Variants in CPN1 observed in about 807,000 individuals in gnomAD.
The protein encoded by CPN1 is carboxypeptidase N subunit 1, also known as carboxypeptidase N catalytic chain.
CPN1 carries 37 observed loss-of-function variants against 46.4 expected under a neutral mutation model. The observed-to-expected ratio is 0.80, with a 90% CI of 0.61 to 1.05. The LOEUF is 1.05. Among genes scored for constraint, CPN1 ranks in the 50% least tolerant of loss-of-function variants. CPN1 has a pLI of 0.00. For synonymous variants in CPN1, 224 were observed against 235.4 expected (o/e 0.95, Z 0.44); for missense variants, 563 against 602.6 (o/e 0.93, Z 0.69).
At chr10:100,072,227 G>A (rs905392918) in intron 2 of CPN1, among the ~76,000 whole-genome samples, 2 of 152,140 alleles carry the variant, frequency 1.3e-5, no homozygotes, top group African/African-American at 4.8e-5. Flanking sequence ...CTAGGCTGGA[G>A]TATAACAGCA....
chr10:100,072,462 GGCCT>G (rs1489840345), intron 2 of CPN1, among the ~76,000 whole-genome samples: 11 of 152,052 alleles, frequency 7.2e-5, no homozygotes, highest in Non-Finnish European at 1.5e-4. Context: ...GAGCCACTAC[GGCCT>G]TATGTTTAAC....
rs115783953 is a variant in CPN1, at chr10:100,044,651, C to T, written c.1231-2078G>A. On this transcript the variant is annotated intron_variant, in intron 8 of 8. Coordinates refer to ENST00000370418, the MANE Select transcript of CPN1 (RefSeq NM_001308.3). ...TCAGCCTTCCAAAGTGCTGAGATTA[C>T]AGGTATGAGTCACCGCACCCAGCTG... Among the ~76,000 whole-genome samples, 705 of 151,972 alleles carry T rather than the reference C, an allele frequency of 4.6e-3. 4 individuals carry two copies. The highest frequency in any genetic ancestry group is 0.016 in the African/African-American group (671 of 41,460).
chr10:100,065,979 A>G (rs1239245091), intron 3 of CPN1, among the ~76,000 whole-genome samples: 1 of 151,750 alleles, frequency 6.6e-6, no homozygotes. Flanking sequence ...TTTTTGAGAC[A>G]GGATCTTACT....
At chr10:100,056,974 T>C (rs776451009) in intron 6 of CPN1, 39 bp downstream of exon 6, 2 of 1,613,934 alleles carry the variant, frequency 1.2e-6, no homozygotes, top group East Asian at 4.5e-5. Flanking sequence ...GAAGCACTTC[T>C]CTTTTTGCAA....
At position 100,050,832 on chromosome 10, in the gene CPN1, A is replaced by G. The variant is rs992816797; in HGVS notation, c.1112-1956T>C. Among the ~76,000 whole-genome samples, 3 of 152,182 alleles carry G rather than the reference A, an allele frequency of 2.0e-5. No individual in the cohort carries two copies. The East Asian group carries it at 5.8e-4, about 29-fold the overall frequency. On this transcript the variant is annotated intron_variant, in intron 7 of 8. Transcript: ENST00000370418. Reference sequence around the variant, plus strand: ...TTTTTGTAGAGATGGAGGTCTTGCTATGTTGACCAGCATGGTCTTGAACTC... The same window carrying G: ...TTTTTGTAGAGATGGAGGTCTTGCTGTGTTGACCAGCATGGTCTTGAACTC...
At chr10:100,055,025 G>T (rs112967257) in intron 6 of CPN1, among the ~76,000 whole-genome samples, 8 of 151,678 alleles carry the variant, frequency 5.3e-5, no homozygotes, top group Middle Eastern at 3.2e-3. Flanking sequence ...ATCACCTGAG[G>T]TCAGGAGTTT....
chr10:100,061,092 G>A (rs1267133387), intron 5 of CPN1, among the ~76,000 whole-genome samples: 1 of 152,002 alleles, frequency 6.6e-6, no homozygotes, highest in Non-Finnish European at 1.5e-5. Flanking sequence ...TGGGAAGGAT[G>A]GTGGGGGTGG....
At chr10:100,060,099 GGA>G (rs1491487697) in intron 5 of CPN1, among the ~76,000 whole-genome samples, 2 of 152,282 alleles carry the variant, frequency 1.3e-5, no homozygotes, top group East Asian at 1.9e-4. Flanking sequence ...AAGGGGAAAT[GGA>G]GAGTTATTGT....
chr10:100,069,773 T>C lies in CPN1; in HGVS notation c.517A>G (p.Asn173Asp). The C allele has an allele frequency of 6.2e-7, 1 of 1,613,924 alleles. No individual in the cohort carries two copies. Among genetic ancestry groups the C allele is most frequent in the East Asian group, 2.2e-5 (1 of 44,872 alleles). The change falls in exon 3 of 9, where the codon AAC becomes GAC. Residue 173 changes from asparagine to aspartate, a missense_variant. By Grantham distance (23) the Asn-to-Asp change is conservative. Transcript: ENST00000370418. Reference protein sequence around the residue: ...FPDLNTYIYYNEKYGGPNHHL... With the variant: ...FPDLNTYIYYDEKYGGPNHHL... ...TGGTTGGGGCCTCCGTACTTCTCGT[T>C]ATAGTAGATATAGGTATTGAGATCA...
Position 100,063,646 on chromosome 10 carries a change from G to A in CPN1, c.839C>T (p.Thr280Ile). The A allele has an allele frequency of 1.2e-6, 2 of 1,613,998 alleles. No individual in the cohort carries two copies. Among genetic ancestry groups the A allele is most frequent in the Non-Finnish European group, 1.7e-6 (2 of 1,179,950 alleles). ...NCGDYFPDGITNGASWYSLSK... is the reference protein window; with the variant it reads ...NCGDYFPDGIINGASWYSLSK... ...GAGAGAATACCAGGAAGCCCCATTG[G>A]TGATGCCATCTGGGAAGTAATCTCC... The change falls in exon 5 of 9, where the codon ACC (threonine) becomes ATC (isoleucine). Residue 280 changes from threonine to isoleucine, a missense_variant. By Grantham distance (89) the Thr-to-Ile change is moderately conservative. Transcript: ENST00000370418.
intron 5 of CPN1, among the ~76,000 whole-genome samples, chr10:100,060,229 T>C (rs2041408972): frequency 6.6e-6 from 1 of 152,150 alleles, no homozygotes; most frequent in South Asian, 2.1e-4. Context: ...GCTTAAAAAT[T>C]ATTACAATGG....
chr10:100,046,185 A>T (rs941549302), intron 8 of CPN1, among the ~76,000 whole-genome samples: 1 of 152,228 alleles, frequency 6.6e-6, no homozygotes, highest in Non-Finnish European at 1.5e-5. Context: ...ATCAGGGCCC[A>T]GGGAGCACCA....
chr10:100,077,727 G>C (rs1195097123), intron 1 of CPN1, among the ~76,000 whole-genome samples: 1 of 151,934 alleles, frequency 6.6e-6, no homozygotes, highest in Admixed American at 6.6e-5. Flanking sequence ...TAATCTTAGT[G>C]TATTTTTTTA....
At chr10:100,068,169 A>AG (rs1486145359) in intron 3 of CPN1, among the ~76,000 whole-genome samples, 1 of 149,594 alleles carries the variant, frequency 6.7e-6, no homozygotes, top group African/African-American at 2.5e-5. Context: ...AAAAAAAAAA[A>AG]GAAAGAAAGG....
rs1012026648 is a variant in CPN1 at position 100,054,347 on chromosome 10, C to T, written c.1111G>A (p.Gly371Ser). The T allele has an allele frequency of 1.9e-6, 3 of 1,612,796 alleles. No homozygotes were observed. Among genetic ancestry groups the T allele is most frequent in the Admixed American group, 3.3e-5 (2 of 59,996 alleles). Residue 371 changes from glycine (G) to serine (S), a missense_variant and splice_region_variant, in exon 7 of 9, where the codon GGT (glycine) becomes AGT (serine). Transcript: ENST00000370418. ...VSGINHDVTS[G>S]DHGDYFRLLL... ...TTACCCCTAAGCAGTGACCACCTAC[C>T]TGAAGTGACATCATGGTTAATCCCA...
intron 1 of CPN1, among the ~76,000 whole-genome samples, 177 bp downstream of exon 1, chr10:100,081,226 T>C (rs2041542734): frequency 6.6e-6 from 1 of 152,226 alleles, no homozygotes; most frequent in Non-Finnish European, 1.5e-5. Context: ...AGGAGGGTTA[T>C]AGCTCCCCAG....
Position 100,065,291 on chromosome 10 carries a change from G to A in CPN1, c.656C>T (p.Ala219Val). 2 of 1,614,132 alleles carry A rather than the reference G, an allele frequency of 1.2e-6. No individual in the cohort carries two copies. Among genetic ancestry groups the A allele is most frequent in the Non-Finnish European group, 1.7e-6 (2 of 1,180,026 alleles). ...FVLSANLHGG[A>V]VVANYPYDKS... ...GTCATACGGGTAATTGGCCACCACC[G>A]CCCCTCCGTGGAGATTGGCTGAAAG... is the stretch of plus-strand genomic sequence containing the variant. Residue 219 changes from alanine (A) to valine (V), a missense_variant, in exon 4 of 9, where the codon GCG becomes GTG. Ala to Val is a moderately conservative substitution (Grantham distance 64, BLOSUM62 0). Coordinates refer to ENST00000370418, the MANE Select transcript of CPN1 (RefSeq NM_001308.3).
Position 100,065,373 on chromosome 10 carries a change from G to T in CPN1, c.577-3C>A, listed in dbSNP as rs759397227. The T allele has an allele frequency of 6.2e-7, 1 of 1,614,134 alleles. No homozygotes were observed. Among genetic ancestry groups the T allele is most frequent in the South Asian group, 1.1e-5 (1 of 91,068 alleles). On this transcript the variant is annotated splice_polypyrimidine_tract_variant and splice_region_variant and intron_variant, in intron 3 of 8. Transcript: ENST00000370418. Reference sequence around the variant, plus strand: ...ACCGCCCGGGTCTCGGGTTCCACCTGGGAGGAGGCGAGAGGTTGGCGGTGA... The same window carrying T: ...ACCGCCCGGGTCTCGGGTTCCACCTTGGAGGAGGCGAGAGGTTGGCGGTGA...
intron 1 of CPN1, among the ~76,000 whole-genome samples, chr10:100,081,063 T>A (rs2041541986): frequency 6.6e-6 from 1 of 151,974 alleles, no homozygotes; most frequent in Non-Finnish European, 1.5e-5. Context: ...CCTGAGCCAT[T>A]GGGTGGGGAA....
Sources: allele counts gnomAD v4.1 joint callset (sites outside exome capture counted in the v4.1 genomes callset), GRCh38; gene constraint gnomAD v4.1.1; transcripts MANE v1.5; gene names NCBI Gene and HGNC (gene_info 2026-07-23, HGNC 2026-07-21).